KDM4B: variants seen among roughly 807,000 people sequenced by gnomAD.
KDM4B encodes the protein lysine-specific demethylase 4B.
A neutral mutation model predicts 125.2 loss-of-function variants in KDM4B; 32 were observed. That is an observed-to-expected ratio of 0.26 (90% confidence interval 0.19 to 0.34). KDM4B has a LOEUF of 0.34. KDM4B is among the 10% of genes least tolerant of loss of function. The pLI is 1.00. For missense variants in KDM4B, 1,190 were observed against 1,577.7 expected (o/e 0.75, Z 4.16); for synonymous variants, 721 against 677.9 (o/e 1.06, Z -0.99).
intron 9 of KDM4B, among the ~76,000 whole-genome samples, chr19:5,085,304 AGTT>A (rs1443806181): frequency 6.6e-6 from 1 of 152,178 alleles, no homozygotes; most frequent in African/African-American, 2.4e-5. Flanking sequence ...CTAAAGGAGT[AGTT>A]AAGTATCTCA....
intron 6 of KDM4B, among the ~76,000 whole-genome samples, chr19:5,068,065 A>G (rs1417336946): frequency 6.6e-6 from 1 of 150,506 alleles, no homozygotes; most frequent in African/African-American, 2.4e-5. Flanking sequence ...GTGAACAAAC[A>G]TTTCCAAACC....
rs1171512570 is a variant in KDM4B at position 5,142,785 on chromosome 19, C to T, written c.2551-1182C>T. Among the ~76,000 whole-genome samples the T allele has an allele frequency of 2.6e-5, 4 of 151,974 alleles. No homozygotes were observed. The highest frequency in any genetic ancestry group is 1.3e-4 in the Admixed American group (2 of 15,252). Reference sequence around the variant, plus strand: ...GAATTGGGTATTTACAGTTTAATAACGAGATCTCGATGCCGTCGATCGGCC... The same window carrying T: ...GAATTGGGTATTTACAGTTTAATAATGAGATCTCGATGCCGTCGATCGGCC... On this transcript the variant is annotated intron_variant, in intron 18 of 22. Coordinates refer to ENST00000159111, the MANE Select transcript of KDM4B (RefSeq NM_015015.3). The surrounding 1 kb of genome is among the most constrained non-coding windows in gnomAD (Gnocchi z 5.4).
At position 5,114,273 on chromosome 19, in the gene KDM4B, G is replaced by A. The variant is rs143609717; in HGVS notation, c.1115+3455G>A. 13,804 of 1,266,742 alleles carry A rather than the reference G, an allele frequency of 0.011. 92 individuals carry two copies. Among genetic ancestry groups the A allele is most frequent in the Middle Eastern group, 0.015 (72 of 4,670 alleles). The allele number at this position is 1,266,742 out of a possible 1,614,324, so 78.5% of individuals were successfully genotyped here. On this transcript the variant is annotated intron_variant, in intron 10 of 22. Coordinates refer to ENST00000159111, the MANE Select transcript of KDM4B (RefSeq NM_015015.3). The surrounding 1 kb of genome is among the most constrained non-coding windows in gnomAD (Gnocchi z 5.8). Reference sequence around the variant, plus strand: ...GCACCCGCCTCACCACAGCCTCCCTGGCCCACTGCTGCTCTGTGAGCCCGG... The same window carrying A: ...GCACCCGCCTCACCACAGCCTCCCTAGCCCACTGCTGCTCTGTGAGCCCGG...
At chr19:5,135,163 G>T (rs1297741172) in intron 14 of KDM4B, among the ~76,000 whole-genome samples, 176 bp from the exon 15 acceptor site, 1 of 152,330 alleles carries the variant, frequency 6.6e-6, no homozygotes, top group Middle Eastern at 3.4e-3. Flanking sequence ...TGGGGATCCT[G>T]ACTTTCTGGA....
intron 9 of KDM4B, among the ~76,000 whole-genome samples, chr19:5,098,277 A>G (rs528352179): frequency 6.6e-6 from 1 of 152,194 alleles, no homozygotes; most frequent in African/African-American, 2.4e-5. Flanking sequence ...TATGTTTTTT[A>G]TTTTATTTTT....
At chr19:5,110,940 C>G in intron 10 of KDM4B, 122 bp downstream of exon 10, 1 of 724,202 alleles carries the variant, frequency 1.4e-6, no homozygotes, top group Non-Finnish European at 2.2e-6. Context: ...CCCTTTCTTC[C>G]TATTCCCACC....
At chr19:5,045,978 T>G (rs1174731384) in intron 5 of KDM4B, among the ~76,000 whole-genome samples, 1 of 152,214 alleles carries the variant, frequency 6.6e-6, no homozygotes, top group Non-Finnish European at 1.5e-5. Flanking sequence ...GCTGTGTATT[T>G]TGGTTATCAG....
Position 5,151,600 on chromosome 19 carries a change from G to T in KDM4B, c.*89G>T. 1 of 1,167,944 alleles carries T rather than the reference G, an allele frequency of 8.6e-7. No individual in the cohort carries two copies. 72.3% of individuals were successfully genotyped at this position (1,167,944 alleles called of 1,614,324 possible). A position where few individuals can be genotyped will look rare whatever the true frequency, so the allele number is the denominator to read the frequency against. On this transcript the variant is annotated 3_prime_UTR_variant, in exon 23 of 23. Coordinates refer to ENST00000159111, the MANE Select transcript of KDM4B (RefSeq NM_015015.3). ...GCTTGCTGTGAATTCCTGTCCTCGT[G>T]TCCCCGACCCCCGAGAGGCCACCTC... is the stretch of plus-strand genomic sequence containing the variant.
intron 6 of KDM4B, among the ~76,000 whole-genome samples, chr19:5,053,998 C>T (rs1353434290): frequency 6.6e-6 from 1 of 152,264 alleles, no homozygotes; most frequent in Non-Finnish European, 1.5e-5. Context: ...TCCTCTGCTT[C>T]TGATGGCGAC....
chr19:5,118,792 T>C (rs563288815), intron 10 of KDM4B, among the ~76,000 whole-genome samples: 1 of 152,314 alleles, frequency 6.6e-6, no homozygotes, highest in South Asian at 2.1e-4. Context: ...AATCCCTTAC[T>C]TGGGGCTGGT....
chr19:5,042,679 TGA>T (rs1555698173), intron 5 of KDM4B, among the ~76,000 whole-genome samples: 1 of 145,206 alleles, frequency 6.9e-6, no homozygotes, highest in Non-Finnish European at 1.5e-5. Flanking sequence ...CAGGAGAGAG[TGA>T]GGGGGGGGGC....
At chr19:4,995,865 C>T (rs1014232385) in intron 1 of KDM4B, among the ~76,000 whole-genome samples, 2 of 152,104 alleles carry the variant, frequency 1.3e-5, no homozygotes, top group African/African-American at 2.4e-5. Flanking sequence ...TTGGTGTTGG[C>T]GCTCCTGGTC....
intron 11 of KDM4B, among the ~76,000 whole-genome samples, chr19:5,124,837 C>T (rs1471984351): frequency 6.6e-6 from 1 of 152,146 alleles, no homozygotes; most frequent in Non-Finnish European, 1.5e-5. Context: ...CTCAGGTGAT[C>T]CACTTGCCTC....
chr19:5,137,180 C>A, intron 15 of KDM4B, 82 bp from the exon 16 acceptor site: 1 of 949,828 alleles, frequency 1.1e-6, no homozygotes. Flanking sequence ...CCCAAGTTAC[C>A]CGGCCCCTCC....
At chr19:4,976,412 C>T (rs1291991989) in intron 1 of KDM4B, among the ~76,000 whole-genome samples, 6 of 152,082 alleles carry the variant, frequency 3.9e-5, no homozygotes, top group Admixed American at 6.6e-5. Context: ...CTGTTTGAGA[C>T]GCCAGACTCT....
chr19:5,090,123 TG>T (rs2038642583), intron 9 of KDM4B, among the ~76,000 whole-genome samples: 2 of 152,138 alleles, frequency 1.3e-5, no homozygotes, highest in Admixed American at 1.3e-4. Flanking sequence ...TGGAAGGTCC[TG>T]GAAGCCCAGC....
chr19:5,052,726 G>C (rs2037269089), intron 6 of KDM4B, among the ~76,000 whole-genome samples: 3 of 152,250 alleles, frequency 2.0e-5, no homozygotes, highest in Admixed American at 6.5e-5. Context: ...GTGGGACCCA[G>C]GAGTCTGGTG....
chr19:5,015,608 G>GGACTGTTCAC, intron 1 of KDM4B, among the ~76,000 whole-genome samples: 1 of 152,194 alleles, frequency 6.6e-6, no homozygotes. Context: ...CCAGTACTTT[G>GGACTGTTCAC]GGAACCCAAG....
intron 11 of KDM4B, 95 bp from the exon 12 acceptor site, chr19:5,130,981 A>C (rs947303329): frequency 3.1e-6 from 3 of 955,002 alleles, no homozygotes; most frequent in Non-Finnish European, 4.5e-6. Flanking sequence ...GGAGCCCTCG[A>C]CCATCCCAGT....
Sources: allele counts gnomAD v4.1 joint callset (sites outside exome capture counted in the v4.1 genomes callset), GRCh38; gene constraint gnomAD v4.1.1; non-coding constraint Gnocchi (gnomAD v3.1); transcripts MANE v1.5; gene names NCBI Gene and HGNC (gene_info 2026-07-23, HGNC 2026-07-21).